The following NDST3 variants were observed in gnomAD, a reference collection of about 807,000 sequenced individuals.
The protein encoded by NDST3 is N-deacetylase and N-sulfotransferase 3, also known as bifunctional heparan sulfate N-deacetylase/N-sulfotransferase 3.
Under a neutral mutation model 96.1 loss-of-function variants are expected in NDST3, and 58 were observed. The observed-to-expected ratio is 0.60, with a 90% CI of 0.49 to 0.75. The LOEUF is 0.75. Ranked by LOEUF, NDST3 falls within the 30% of genes least tolerant of loss-of-function variation. The pLI is 0.00. For missense variants in NDST3, 788 were observed against 1,034.2 expected, an observed-to-expected ratio of 0.76 and a Z score of 3.27; for synonymous variants, 333 against 359.7, an observed-to-expected ratio of 0.93 and a Z score of 0.84.
At chr4:118,194,190 G>T in intron 6 of NDST3, 2 of 766,112 alleles carry the variant, frequency 2.6e-6, no homozygotes, top group Admixed American at 1.7e-5. Flanking sequence ...GGCAGATCCA[G>T]ATTCTCCTGA....
At chr4:118,227,614 T>TC (rs1428644729) in intron 8 of NDST3, among the ~76,000 whole-genome samples, 2 of 146,000 alleles carry the variant, frequency 1.4e-5, no homozygotes, top group African/African-American at 5.0e-5. Flanking sequence ...AAACTTTTTT[T>TC]TTTTTTTTTT....
At chr4:118,148,387 A>T (rs899277042) in intron 6 of NDST3, among the ~76,000 whole-genome samples, 4 of 152,180 alleles carry the variant, frequency 2.6e-5, no homozygotes, top group South Asian at 2.1e-4. Context: ...CCTTCATCAA[A>T]CCATTAACCA....
chr4:118,190,325 TA>T (rs919261584), intron 6 of NDST3, among the ~76,000 whole-genome samples: 6 of 152,200 alleles, frequency 3.9e-5, no homozygotes, highest in African/African-American at 1.4e-4. Context: ...CTGTACAATA[TA>T]AAAAAAGTCA....
intron 1 of NDST3, among the ~76,000 whole-genome samples, chr4:118,039,003 AT>A (rs1724299902): frequency 6.6e-6 from 1 of 152,208 alleles, no homozygotes; most frequent in African/African-American, 2.4e-5. Flanking sequence ...ATGTTTGTAT[AT>A]ATTGAGTTCT....
intron 6 of NDST3, among the ~76,000 whole-genome samples, chr4:118,186,265 A>C (rs2125958643): frequency 6.6e-6 from 1 of 152,266 alleles, no homozygotes; most frequent in Admixed American, 6.5e-5. Flanking sequence ...TGGCTCCCAT[A>C]ATTTTCTTTA....
intron 4 of NDST3, among the ~76,000 whole-genome samples, chr4:118,124,604 A>G (rs931039868): frequency 6.6e-6 from 1 of 152,048 alleles, no homozygotes; most frequent in East Asian, 1.9e-4. Flanking sequence ...TCTCTTCATG[A>G]TAGTATCCTA....
chr4:118,194,255 C>A, intron 6 of NDST3: 1 of 719,764 alleles, frequency 1.4e-6, no homozygotes. Flanking sequence ...CATGATAGCA[C>A]CCTCATTGGG....
chr4:118,135,175 A>G (rs1013063188), intron 4 of NDST3, among the ~76,000 whole-genome samples: 2 of 152,198 alleles, frequency 1.3e-5, no homozygotes, highest in African/African-American at 4.8e-5. Context: ...ATTTAAAAGC[A>G]GCCCCCTACT....
At chr4:118,199,934 G>A (rs1159476774) in intron 6 of NDST3, among the ~76,000 whole-genome samples, 2 of 152,142 alleles carry the variant, frequency 1.3e-5, no homozygotes, top group Non-Finnish European at 2.9e-5. Context: ...GGAGCTAGAG[G>A]TGGAATGACA....
chr4:118,204,039 T>A, intron 6 of NDST3, among the ~76,000 whole-genome samples: 1 of 152,196 alleles, frequency 6.6e-6, no homozygotes, highest in Non-Finnish European at 1.5e-5. Flanking sequence ...TATCAGATTC[T>A]GGACCCAATT....
chr4:118,147,473 A>C (rs1734032618), intron 6 of NDST3, among the ~76,000 whole-genome samples: 1 of 152,220 alleles, frequency 6.6e-6, no homozygotes, highest in African/African-American at 2.4e-5. Flanking sequence ...ATATTTTCAA[A>C]AATTGTGATA....
At chr4:118,222,257 A>G (rs1362010016) in intron 6 of NDST3, among the ~76,000 whole-genome samples, 2 of 151,992 alleles carry the variant, frequency 1.3e-5, no homozygotes, top group Non-Finnish European at 2.9e-5. Context: ...TAACCAAAAC[A>G]TTCTTGTTAT....
chr4:118,131,320 T>C (rs903842967), intron 4 of NDST3, among the ~76,000 whole-genome samples: 1 of 152,026 alleles, frequency 6.6e-6, no homozygotes, highest in Admixed American at 6.6e-5. Context: ...TATTTTCAAA[T>C]AGGCTGTCTT....
chr4:118,037,117 AAAAATGAGGATT>A lies in NDST3; in HGVS notation c.-156+2526_-156+2537del, dbSNP rs1325757008. The stretch of plus-strand genomic sequence containing the variant: ...CTCTGGGGCTTGGTTTCTTCACCTG[AAAAATGAGGATT>A]CCAGAGACCCTTTTTTATCCTGTTT... On this transcript the variant is annotated intron_variant, in intron 1 of 13. Coordinates refer to ENST00000296499, the MANE Select transcript of NDST3 (RefSeq NM_004784.3). Among the ~76,000 whole-genome samples the A allele has an allele frequency of 9.8e-5, 15 of 152,300 alleles. 1 individual carries two copies. Among genetic ancestry groups the A allele is most frequent in the Admixed American group, 9.8e-4 (15 of 15,308 alleles).
In NDST3 at chr4:118,237,197, G is replaced by A. The variant is rs774728544; in HGVS notation, c.2095G>A (p.Asp699Asn). The A allele has an allele frequency of 1.9e-6, 3 of 1,612,280 alleles. No homozygotes were observed. Among genetic ancestry groups the A allele is most frequent in the Non-Finnish European group, 2.5e-6 (3 of 1,179,260 alleles). ...KIITILIDPS[D>N]RAYSWYQHQR... ...TATCACCATTCTCATTGACCCTTCA[G>A]ACCGAGCATACTCCTGGTACCAGGT... Residue 699 changes from aspartate (D) to asparagine (N), a missense_variant, in exon 10 of 14, where the codon GAC becomes AAC. Around this residue, in one of 3 missense-constraint regions of NDST3, gnomAD observed 490 missense variants for 708.8 expected, o/e 0.69. Transcript: ENST00000296499.
At chr4:118,038,060 T>G (rs950716847) in intron 1 of NDST3, among the ~76,000 whole-genome samples, 1 of 152,164 alleles carries the variant, frequency 6.6e-6, no homozygotes, top group African/African-American at 2.4e-5. Context: ...AGGCAACCAA[T>G]GAGAGGCCAG....
At chr4:118,104,628 T>C (rs942604468) in intron 2 of NDST3, among the ~76,000 whole-genome samples, 3 of 152,174 alleles carry the variant, frequency 2.0e-5, no homozygotes, top group Non-Finnish European at 4.4e-5. Context: ...TCTTTCAACA[T>C]ACGTTCTTGC....
At chr4:118,153,562 C>T (rs1734540535) in intron 6 of NDST3, among the ~76,000 whole-genome samples, 2 of 152,116 alleles carry the variant, frequency 1.3e-5, no homozygotes, top group South Asian at 4.1e-4. Context: ...GTGGCTCATG[C>T]CTTTAATACC....
At chr4:118,139,035 T>C (rs1163797175) in intron 5 of NDST3, among the ~76,000 whole-genome samples, 2 of 152,338 alleles carry the variant, frequency 1.3e-5, no homozygotes, top group Admixed American at 1.3e-4. Flanking sequence ...GTTTACCCTT[T>C]AGAATTAGGT....
Sources: allele counts gnomAD v4.1 joint callset (sites outside exome capture counted in the v4.1 genomes callset), GRCh38; gene constraint gnomAD v4.1.1; regional missense constraint gnomAD v4.1.1; transcripts MANE v1.5; gene names NCBI Gene and HGNC (gene_info 2026-07-23, HGNC 2026-07-21).